The following FBXW4 variants were observed in gnomAD, a reference collection of about 807,000 sequenced individuals.
FBXW4 encodes the protein F-box and WD repeat domain containing 4.
FBXW4 carries 40 observed loss-of-function variants against 61.8 expected under a neutral mutation model. The ratio of observed to expected loss-of-function variants is 0.65; its 90% CI spans 0.50 to 0.84. FBXW4 has a LOEUF of 0.84. Among genes scored for constraint, FBXW4 ranks in the 40% least tolerant of loss-of-function variants. The pLI, the probability that FBXW4 is intolerant of heterozygous loss-of-function variation, is 0.00. For synonymous variants in FBXW4, 311 were observed against 313.8 expected, an observed-to-expected ratio of 0.99 and a Z score of 0.10; for missense variants, 672 against 753.8, an observed-to-expected ratio of 0.89 and a Z score of 1.27.
In FBXW4 at chr10:101,676,341, C is replaced by T. The variant is rs1157846959; in HGVS notation, c.821G>A (p.Ser274Asn). The T allele has an allele frequency of 1.2e-6, 2 of 1,612,742 alleles. No homozygotes were observed. Among genetic ancestry groups the T allele is most frequent in the Non-Finnish European group, 1.7e-6 (2 of 1,179,388 alleles). ...REGILLKWRC[S>N]QMPWMQLEDD... Reference sequence around the variant, plus strand: ...TTTAAAAAGTCAAGAGGCTACTTGCCTGCATCTCCACTTCAGCAGAATCCC... The same window carrying T: ...TTTAAAAAGTCAAGAGGCTACTTGCTTGCATCTCCACTTCAGCAGAATCCC... The change falls in exon 2 of 9, where the codon AGT becomes AAT. Residue 274 changes from serine to asparagine, a missense_variant and splice_region_variant. By Grantham distance (46) the Ser-to-Asn change is conservative. Around this residue, in one of 5 missense-constraint regions of FBXW4, gnomAD observed 6 missense variants for 20.2 expected, o/e 0.30. Transcript: ENST00000331272.
At chr10:101,655,009 T>C (rs1351877124) in intron 5 of FBXW4, among the ~76,000 whole-genome samples, 1 of 152,022 alleles carries the variant, frequency 6.6e-6, no homozygotes, top group Non-Finnish European at 1.5e-5. Context: ...TTAGATTTTT[T>C]TGTGGAAATG....
chr10:101,667,646 T>C (rs2064318217), intron 5 of FBXW4, among the ~76,000 whole-genome samples: 1 of 152,220 alleles, frequency 6.6e-6, no homozygotes, highest in Non-Finnish European at 1.5e-5. Context: ...TATAGTACTC[T>C]TTCCTTAACA....
intron 5 of FBXW4, among the ~76,000 whole-genome samples, chr10:101,657,659 A>AAAG (rs1338078552): frequency 1.8e-4 from 27 of 151,430 alleles, no homozygotes; most frequent in Non-Finnish European, 2.8e-4. Context: ...AAAAAAAAAA[A>AAAG]AAAAGCTCAC....
intron 1 of FBXW4, among the ~76,000 whole-genome samples, chr10:101,689,526 T>C (rs1001509505): frequency 6.6e-6 from 1 of 152,194 alleles, no homozygotes; most frequent in South Asian, 2.1e-4. Flanking sequence ...AATACATCCA[T>C]ATTCGAAATC....
chr10:101,615,876 C>G (rs919971995), intron 6 of FBXW4, among the ~76,000 whole-genome samples: 4 of 152,162 alleles, frequency 2.6e-5, no homozygotes, highest in Admixed American at 6.5e-5. Flanking sequence ...AGCTAGGAAG[C>G]CTGGTGCCCT....
rs1036825698 is a variant in FBXW4, at chr10:101,694,965, C to T, written c.141G>A (p.Ala47=). The part of the protein sequence containing the change: ...RKGKGKGKAR[A]GQGGRGSGAE... ...CCCCGCTTCCTCTTCCGCCTTGCCC[C>T]GCTCTCGCTTTTCCCTTCCCCTTCC... Residue 47 remains alanine, a synonymous_variant, in exon 1 of 9, where the codon GCG becomes GCA. Coordinates refer to ENST00000331272, the MANE Select transcript of FBXW4 (RefSeq NM_022039.4). This position sits in a 1 kb window ranked among gnomAD's most constrained non-coding sequence, Gnocchi z 6.0. The T allele has an allele frequency of 7.5e-6, 9 of 1,206,024 alleles. No homozygotes were observed. In the South Asian group the frequency reaches 1.2e-4, roughly 16 times the overall value. 74.7% of individuals were successfully genotyped at this position (1,206,024 alleles called of 1,614,324 possible).
At chr10:101,643,843 G>A (rs1354593007) in intron 5 of FBXW4, among the ~76,000 whole-genome samples, 2 of 152,148 alleles carry the variant, frequency 1.3e-5, no homozygotes, top group Non-Finnish European at 2.9e-5. Context: ...GGGGCCTGGG[G>A]TAGGGAAGTG....
chr10:101,613,647 C>T (rs1187037343), intron 6 of FBXW4, among the ~76,000 whole-genome samples: 4 of 152,248 alleles, frequency 2.6e-5, no homozygotes, highest in Admixed American at 2.6e-4. Context: ...CTCGTCCTTC[C>T]ACCTCACTGA....
chr10:101,692,405 T>C (rs2064615779), intron 1 of FBXW4, among the ~76,000 whole-genome samples: 1 of 151,754 alleles, frequency 6.6e-6, no homozygotes, highest in Non-Finnish European at 1.5e-5. Context: ...ACAACAATAG[T>C]AAGTTGAATT....
chr10:101,611,677 T>G lies in FBXW4; in HGVS notation c.1535A>C (p.Tyr512Ser), dbSNP rs776370078. 2.2e-5 allele frequency: 35 copies of G among 1,614,196 alleles called. No homozygotes were observed. Among genetic ancestry groups the G allele is most frequent in the Non-Finnish European group, 2.8e-5 (33 of 1,180,026 alleles). The change falls in exon 8 of 9, where the codon TAC becomes TCC. Residue 512 changes from tyrosine to serine, a missense_variant. Physicochemically the swap from Tyr to Ser is moderately radical, Grantham distance 144. Around this residue, in one of 5 missense-constraint regions of FBXW4, gnomAD observed 312 missense variants for 370.1 expected, o/e 0.84. Coordinates refer to ENST00000331272, the MANE Select transcript of FBXW4 (RefSeq NM_022039.4). The surrounding 1 kb of genome is among the most constrained non-coding windows in gnomAD (Gnocchi z 4.9). ...GTCCCACAGCCGTACAACACCGTAG[T>G]AGGAGGAACCTGTGGCCAGCAGGTG... ...GNHLLATGSS[Y>S]YGVVRLWDRR...
intron 5 of FBXW4, among the ~76,000 whole-genome samples, chr10:101,648,585 G>C (rs1437247885): frequency 1.3e-5 from 2 of 152,122 alleles, no homozygotes; most frequent in African/African-American, 4.8e-5. Context: ...ATCTTTCATG[G>C]ACAGAACCAG....
chr10:101,646,471 C>G (rs1484492304), intron 5 of FBXW4, among the ~76,000 whole-genome samples: 4 of 152,238 alleles, frequency 2.6e-5, no homozygotes, highest in Non-Finnish European at 5.9e-5. Context: ...ACAGGTGGTT[C>G]TCAGAGGAGA....
At chr10:101,628,920 T>C (rs1321655397) in intron 5 of FBXW4, among the ~76,000 whole-genome samples, 1 of 152,204 alleles carries the variant, frequency 6.6e-6, no homozygotes, top group Admixed American at 6.5e-5. Flanking sequence ...ATCTTCAACC[T>C]GCCTTACTCG....
At chr10:101,662,685 T>C (rs374659023) in intron 5 of FBXW4, among the ~76,000 whole-genome samples, 30 of 152,278 alleles carry the variant, frequency 2.0e-4, no homozygotes, top group African/African-American at 7.0e-4. Context: ...CTTTTTTTTC[T>C]TGGAGGGCAA....
rs192878517 is a variant in FBXW4 at position 101,640,479 on chromosome 10, T to C, written c.1236-15669A>G. On this transcript the variant is annotated intron_variant, in intron 5 of 8. Coordinates refer to ENST00000331272, the MANE Select transcript of FBXW4 (RefSeq NM_022039.4). ...CATTTTCTTTTCTTTTCTTTCTTTC[T>C]TTCTCTTTTTTTTTTTTTTTTTTTT... Among the ~76,000 whole-genome samples, 256 of 108,790 alleles carry C rather than the reference T, an allele frequency of 2.4e-3. 2 individuals carry two copies. Among genetic ancestry groups the C allele is most frequent in the Admixed American group, 3.6e-3 (27 of 7,472 alleles). 71.4% of individuals were successfully genotyped at this position (108,790 alleles called of 152,430 possible). A position where few individuals can be genotyped will look rare whatever the true frequency, so the allele number is the denominator to read the frequency against.
intron 5 of FBXW4, among the ~76,000 whole-genome samples, chr10:101,642,894 A>G (rs1274025745): frequency 1.3e-5 from 2 of 152,172 alleles, no homozygotes; most frequent in African/African-American, 4.8e-5. Flanking sequence ...TGATGCCTAC[A>G]CTACCTGTGA....
intron 5 of FBXW4, among the ~76,000 whole-genome samples, chr10:101,655,589 T>G (rs2064178112): frequency 6.6e-6 from 1 of 152,198 alleles, no homozygotes; most frequent in Admixed American, 6.5e-5. Context: ...GACCCCACCC[T>G]AATCACTCAC....
In FBXW4 at chr10:101,611,739, G is replaced by T. The variant is rs147424741; in HGVS notation, c.1473C>A (p.His491Gln). 10 of 1,613,954 alleles carry T rather than the reference G, an allele frequency of 6.2e-6. No homozygotes were observed. The East Asian group carries it at 2.0e-4, about 32-fold the overall frequency. The change falls in exon 8 of 9, where the codon CAC (histidine) becomes CAA (glutamine). Residue 491 changes from histidine (H) to glutamine (Q), a missense_variant. Coordinates refer to ENST00000331272, the MANE Select transcript of FBXW4 (RefSeq NM_022039.4). This position sits in a 1 kb window ranked among gnomAD's most constrained non-coding sequence, Gnocchi z 4.9. The stretch of plus-strand genomic sequence containing the variant: ...TCTGCAGGCAGTACAGGGTGCTGTC[G>T]TGGGGCTCCTCCCACTCCATGACAC... ...RKCVMEWEEPHDSTLYCLQTD... is the reference protein window; with the variant it reads ...RKCVMEWEEPQDSTLYCLQTD...
intron 5 of FBXW4, among the ~76,000 whole-genome samples, chr10:101,628,963 C>T (rs2063928718): frequency 6.6e-6 from 1 of 152,244 alleles, no homozygotes; most frequent in Admixed American, 6.5e-5. Flanking sequence ...AACCTGGCAT[C>T]ATGCAGACTA....
Sources: gnomAD v4.1 joint callset for allele counts (sites outside exome capture counted in the v4.1 genomes callset) on GRCh38, gnomAD v4.1.1 for gene constraint, gnomAD v4.1.1 regional missense constraint, Gnocchi (gnomAD v3.1) non-coding constraint, MANE v1.5 for transcripts, NCBI Gene and HGNC (gene_info 2026-07-23, HGNC 2026-07-21) for gene names.